PCDH15: variants seen among roughly 807,000 people sequenced by gnomAD.
PCDH15 encodes the protein protocadherin related 15.
A neutral mutation model predicts 178.5 loss-of-function variants in PCDH15; 129 were observed. The ratio of observed to expected loss-of-function variants is 0.72; its 90% CI spans 0.63 to 0.84. The LOEUF (loss-of-function observed/expected upper bound fraction) is 0.84, where lower values mean the gene tolerates loss of function less well. Ranked by LOEUF, PCDH15 falls within the 40% of genes least tolerant of loss-of-function variation. The probability of loss-of-function intolerance (pLI) is 0.00; values close to 1 mark genes in which losing one functional copy is unlikely to be tolerated. For synonymous variants in PCDH15, 800 were observed against 732.0 expected (o/e 1.09, Z -1.50); for missense variants, 2,230 against 2,099.9 (o/e 1.06, Z -1.21).
rs946379435 is a variant in PCDH15, at chr10:54,309,350, C to T, written c.876+7921G>A. ...ACACACACACACACACACACACACA[C>T]ACACACTTCACATATGTACCTTTAC... On this transcript the variant is annotated intron_variant, in intron 8 of 37. Coordinates refer to ENST00000644397, the MANE Select transcript of PCDH15 (RefSeq NM_001384140.1). Among the ~76,000 whole-genome samples the T allele has an allele frequency of 5.9e-3, 896 of 150,958 alleles. 13 individuals carry two copies. The highest frequency in any genetic ancestry group is 0.022 in the African/African-American group (878 of 40,728).
At chr10:54,199,570 C>CAACAATAATAATAATAATAAT (rs142287657) in intron 10 of PCDH15, among the ~76,000 whole-genome samples, 21 of 142,528 alleles carry the variant, frequency 1.5e-4, no homozygotes, top group Admixed American at 7.1e-4. Flanking sequence ...ACAACAACAA[C>CAACAATAATAATAATAATAAT]AATAATAATA....
chr10:55,307,815 A>C (rs1251672725), intron 1 of PCDH15, among the ~76,000 whole-genome samples: 1 of 151,992 alleles, frequency 6.6e-6, no homozygotes, highest in Non-Finnish European at 1.5e-5. Flanking sequence ...TTAGATGCCT[A>C]TCCTACTAAT....
chr10:54,818,985 G>C (rs1219261441), intron 3 of PCDH15, among the ~76,000 whole-genome samples: 1 of 151,866 alleles, frequency 6.6e-6, no homozygotes, highest in Non-Finnish European at 1.5e-5. Flanking sequence ...AGAGCTGTGG[G>C]GTGATCATAG....
intron 2 of PCDH15, among the ~76,000 whole-genome samples, chr10:54,550,468 CT>C (rs1250929467): frequency 1.4e-5 from 2 of 142,218 alleles, no homozygotes; most frequent in South Asian, 2.4e-4. Context: ...ATTTTTGCCC[CT>C]GTGCCTTAGT....
chr10:54,511,988 G>T (rs1332364860), intron 3 of PCDH15, among the ~76,000 whole-genome samples: 1 of 151,870 alleles, frequency 6.6e-6, no homozygotes, highest in Non-Finnish European at 1.5e-5. Context: ...ACTAATACCT[G>T]CTAATCCAGC....
chr10:53,860,651 A>G (rs2079042894), intron 27 of PCDH15, among the ~76,000 whole-genome samples: 1 of 150,434 alleles, frequency 6.6e-6, no homozygotes, highest in African/African-American at 2.5e-5. Flanking sequence ...GAATTGCTTG[A>G]ACCTGGGAGG....
intron 2 of PCDH15, among the ~76,000 whole-genome samples, chr10:55,446,753 G>A (rs1283236919): frequency 6.6e-6 from 1 of 152,048 alleles, no homozygotes; most frequent in Non-Finnish European, 1.5e-5. Flanking sequence ...ATCTGCCATT[G>A]CCATGTGAAG....
At chr10:55,281,645 C>T (rs1842736716) in intron 1 of PCDH15, among the ~76,000 whole-genome samples, 1 of 152,052 alleles carries the variant, frequency 6.6e-6, no homozygotes, top group Non-Finnish European at 1.5e-5. Flanking sequence ...GACAATGACT[C>T]GCACATGTGT....
intron 26 of PCDH15, 139 bp downstream of exon 26, chr10:53,903,104 C>T (rs1487068680): frequency 1.1e-6 from 1 of 909,482 alleles, no homozygotes; most frequent in Non-Finnish European, 1.6e-6. Context: ...GTTTAGATAA[C>T]TAAACTAATA....
At chr10:55,555,465 A>T (rs7076730) in intron 2 of PCDH15, among the ~76,000 whole-genome samples, 3 of 152,078 alleles carry the variant, frequency 2.0e-5, no homozygotes, top group Non-Finnish European at 4.4e-5. Flanking sequence ...ATTTATACGG[A>T]TATCTTTCCC....
chr10:54,153,075 C>A (rs990433876), intron 14 of PCDH15, 25 bp downstream of exon 14: 1 of 1,613,138 alleles, frequency 6.2e-7, no homozygotes. Flanking sequence ...GATGAAAAGA[C>A]TGCATTGGTT....
intron 2 of PCDH15, among the ~76,000 whole-genome samples, chr10:55,373,095 C>G (rs1307044165): frequency 6.6e-6 from 1 of 152,098 alleles, no homozygotes; most frequent in Admixed American, 6.6e-5. Context: ...GAGACAGCAA[C>G]AAACCTACCA....
intron 2 of PCDH15, among the ~76,000 whole-genome samples, chr10:55,577,358 T>G (rs1035994998): frequency 1.3e-5 from 2 of 152,182 alleles, no homozygotes; most frequent in African/African-American, 4.8e-5. Flanking sequence ...TTAGAAAAAT[T>G]TTTAGATCTT....
At chr10:55,353,933 G>A (rs1845007439) in intron 2 of PCDH15, among the ~76,000 whole-genome samples, 1 of 151,816 alleles carries the variant, frequency 6.6e-6, no homozygotes, top group South Asian at 2.1e-4. Flanking sequence ...TACCTTCTTG[G>A]ACACTGCTTG....
At chr10:54,057,358 A>T (rs2093916639) in intron 18 of PCDH15, among the ~76,000 whole-genome samples, 1 of 152,094 alleles carries the variant, frequency 6.6e-6, no homozygotes, top group Admixed American at 6.5e-5. Flanking sequence ...ATTTCCATAC[A>T]TCCTCTGAAA....
chr10:54,346,174 C>T (rs781599737), intron 6 of PCDH15, among the ~76,000 whole-genome samples, 191 bp downstream of exon 6: 1 of 152,046 alleles, frequency 6.6e-6, no homozygotes, highest in African/African-American at 2.4e-5. Context: ...TCTAAAAATA[C>T]CATCAAAAAT....
chr10:54,456,279 G>A (rs1221612160), intron 3 of PCDH15, among the ~76,000 whole-genome samples: 1 of 152,178 alleles, frequency 6.6e-6, no homozygotes, highest in Non-Finnish European at 1.5e-5. Context: ...AAAGCCACAG[G>A]AGCAGAGCTG....
At chr10:53,897,758 G>T (rs2082051129) in intron 26 of PCDH15, among the ~76,000 whole-genome samples, 1 of 152,066 alleles carries the variant, frequency 6.6e-6, no homozygotes, top group Non-Finnish European at 1.5e-5. Flanking sequence ...TTATGAATTT[G>T]CCTACTCTAG....
chr10:54,361,322 T>A (rs1361096470), intron 5 of PCDH15, among the ~76,000 whole-genome samples: 1 of 152,050 alleles, frequency 6.6e-6, no homozygotes, highest in Non-Finnish European at 1.5e-5. Flanking sequence ...CAAAAAGAAA[T>A]GCTTCATGGT....
Sources: allele counts gnomAD v4.1 joint callset (sites outside exome capture counted in the v4.1 genomes callset), GRCh38; gene constraint gnomAD v4.1.1; transcripts MANE v1.5; gene names NCBI Gene and HGNC (gene_info 2026-07-23, HGNC 2026-07-21).